PTPN4: variants seen among roughly 807,000 people sequenced by gnomAD.
The protein encoded by PTPN4 is tyrosine-protein phosphatase non-receptor type 4.
In PTPN4, 49 loss-of-function variants were observed where a neutral mutation model predicts 135.5. The ratio of observed to expected loss-of-function variants is 0.36; its 90% CI spans 0.29 to 0.46. The LOEUF is 0.46. Among genes scored for constraint, PTPN4 ranks in the 20% least tolerant of loss-of-function variants. The probability of loss-of-function intolerance (pLI) is 1.00; values close to 1 mark genes in which losing one functional copy is unlikely to be tolerated. For synonymous variants in PTPN4, 333 were observed against 369.9 expected, an observed-to-expected ratio of 0.90 and a Z score of 1.14; for missense variants, 860 against 1,101.0, an observed-to-expected ratio of 0.78 and a Z score of 3.10.
intron 24 of PTPN4, among the ~76,000 whole-genome samples, chr2:119,963,380 G>C (rs1298067953): frequency 6.6e-6 from 1 of 152,174 alleles, no homozygotes; most frequent in Non-Finnish European, 1.5e-5. Flanking sequence ...CAGGCTGCTA[G>C]AGACAGTGCA....
intron 1 of PTPN4, among the ~76,000 whole-genome samples, chr2:119,763,420 T>G (rs1392057748): frequency 6.6e-6 from 1 of 152,138 alleles, no homozygotes. Context: ...TTATTGTCTG[T>G]TAAGTGTCAG....
rs1678128054 is a variant in PTPN4 at position 119,884,568 on chromosome 2, T to C, written c.588-1227T>C. ...GCTATTTTAATCTAAGTAAATTCCA[T>C]TCATAGTGAAAGTTATACATACAGC... On this transcript the variant is annotated intron_variant, in intron 8 of 26. Transcript: ENST00000263708. Among the ~76,000 whole-genome samples the C allele has an allele frequency of 2.6e-5, 4 of 152,324 alleles. No homozygotes were observed. In the South Asian group the frequency reaches 8.3e-4, roughly 32 times the overall value.
At chr2:119,944,576 T>TGA (rs1337317905) in intron 15 of PTPN4, among the ~76,000 whole-genome samples, 1 of 152,184 alleles carries the variant, frequency 6.6e-6, no homozygotes, top group Non-Finnish European at 1.5e-5. Flanking sequence ...TTGGCTCTGG[T>TGA]GATGATCTCA....
chr2:119,882,798 A>C (rs1558754022), intron 8 of PTPN4, among the ~76,000 whole-genome samples, 175 bp downstream of exon 8: 2 of 152,170 alleles, frequency 1.3e-5, no homozygotes, highest in East Asian at 1.9e-4. Context: ...TTCATAGAAT[A>C]TATGAAGCTC....
intron 15 of PTPN4, among the ~76,000 whole-genome samples, chr2:119,942,822 A>C (rs940511410): frequency 1.2e-4 from 18 of 152,296 alleles, no homozygotes; most frequent in Admixed American, 5.9e-4. Context: ...ATTCTAATCC[A>C]TGGAAACATT....
intron 10 of PTPN4, among the ~76,000 whole-genome samples, chr2:119,906,846 C>T (rs1678496792): frequency 6.6e-6 from 1 of 152,146 alleles, no homozygotes; most frequent in Non-Finnish European, 1.5e-5. Flanking sequence ...AAATAAAGGC[C>T]ATCCATATAG....
intron 1 of PTPN4, among the ~76,000 whole-genome samples, chr2:119,769,945 A>G (rs781630054): frequency 7.2e-5 from 11 of 152,226 alleles, no homozygotes; most frequent in South Asian, 4.1e-4. Flanking sequence ...TTTGTTATAC[A>G]GTTGTGTAAA....
chr2:119,766,449 C>CGCGTGTGT (rs1209819421), intron 1 of PTPN4, among the ~76,000 whole-genome samples: 1 of 130,996 alleles, frequency 7.6e-6, no homozygotes, highest in African/African-American at 3.2e-5. Context: ...CATGTGCGCG[C>CGCGTGTGT]GTGTGTGTGT....
chr2:119,974,326 C>G (rs1436824805), intron 26 of PTPN4, among the ~76,000 whole-genome samples: 1 of 152,152 alleles, frequency 6.6e-6, no homozygotes, highest in Non-Finnish European at 1.5e-5. Flanking sequence ...ATTCTCCTGC[C>G]TCGGCCTCCC....
At chr2:119,872,132 T>C (rs1021549921) in intron 3 of PTPN4, among the ~76,000 whole-genome samples, 1 of 152,238 alleles carries the variant, frequency 6.6e-6, no homozygotes, top group Non-Finnish European at 1.5e-5. Context: ...GTTTTTGTTA[T>C]TAATTTTATT....
In PTPN4 at chr2:119,981,584, A is replaced by G. The variant is rs188715776; in HGVS notation, c.*4514A>G. ...ATAAAATGGAAATTACATAATCCTA[A>G]AACATTTTTGAGGGCTAATTGATAA... On this transcript the variant is annotated 3_prime_UTR_variant, in exon 27 of 27. Coordinates refer to ENST00000263708, the MANE Select transcript of PTPN4 (RefSeq NM_002830.4). 9.2e-5 allele frequency: 14 copies of G among 152,230 alleles called. 1 individual carries two copies. Among genetic ancestry groups the G allele is most frequent in the Admixed American group, 9.2e-4 (14 of 15,272 alleles). The allele number at this position is 152,230 out of a possible 1,614,324, so 9.4% of individuals were successfully genotyped here. A position where few individuals can be genotyped will look rare whatever the true frequency, so the allele number is the denominator to read the frequency against.
chr2:119,843,226 T>C (rs1213961698), intron 2 of PTPN4, among the ~76,000 whole-genome samples: 7 of 148,434 alleles, frequency 4.7e-5, no homozygotes, highest in Non-Finnish European at 8.9e-5. Context: ...TTCTTTTTTT[T>C]TTTTTTTTTT....
chr2:119,804,630 T>G (rs1011447250), intron 1 of PTPN4, among the ~76,000 whole-genome samples: 2 of 152,228 alleles, frequency 1.3e-5, no homozygotes, highest in Non-Finnish European at 2.9e-5. Flanking sequence ...TATGGCTGCA[T>G]AGTATTCCAT....
intron 2 of PTPN4, among the ~76,000 whole-genome samples, chr2:119,849,406 A>G (rs1437366952): frequency 6.6e-6 from 1 of 151,834 alleles, no homozygotes; most frequent in Admixed American, 6.6e-5. Flanking sequence ...GACTCAGTTG[A>G]TCTTCCCCCT....
At chr2:119,805,118 C>T (rs1321429766) in intron 1 of PTPN4, among the ~76,000 whole-genome samples, 1 of 152,070 alleles carries the variant, frequency 6.6e-6, no homozygotes, top group African/African-American at 2.4e-5. Context: ...CCTTTGCCCA[C>T]TTTTTGATGG....
chr2:119,800,444 T>A (rs1326290222), intron 1 of PTPN4, among the ~76,000 whole-genome samples: 1 of 151,434 alleles, frequency 6.6e-6, no homozygotes, highest in African/African-American at 2.4e-5. Context: ...TTATTTGATT[T>A]TTTTTTTTTT....
chr2:119,909,253 T>C (rs566274180), intron 10 of PTPN4, among the ~76,000 whole-genome samples: 7 of 152,284 alleles, frequency 4.6e-5, no homozygotes, highest in Admixed American at 3.9e-4. Context: ...GCTTCAATGT[T>C]TCAAAGGACT....
At chr2:119,914,806 A>G (rs1678627347) in intron 10 of PTPN4, among the ~76,000 whole-genome samples, 2 of 152,192 alleles carry the variant, frequency 1.3e-5, no homozygotes, top group Non-Finnish European at 2.9e-5. Flanking sequence ...TAAATTTTTA[A>G]AATTTAATGC....
chr2:119,779,745 T>C (rs1690904118), intron 1 of PTPN4, among the ~76,000 whole-genome samples: 1 of 152,174 alleles, frequency 6.6e-6, no homozygotes, highest in Non-Finnish European at 1.5e-5. Flanking sequence ...TTGAAATAAT[T>C]CTTTTATTTT....
Sources: gnomAD v4.1 joint callset for allele counts (sites outside exome capture counted in the v4.1 genomes callset) on GRCh38, gnomAD v4.1.1 for gene constraint, MANE v1.5 for transcripts, NCBI Gene and HGNC (gene_info 2026-07-23, HGNC 2026-07-21) for gene names.